Variants in NR3C2 observed in about 807,000 individuals in gnomAD.
NR3C2 encodes nuclear receptor subfamily 3 group C member 2.
Under a neutral mutation model 86.4 loss-of-function variants are expected in NR3C2, and 15 were observed. The ratio of observed to expected loss-of-function variants is 0.17; its 90% confidence interval spans 0.12 to 0.27. The LOEUF is 0.27. Among genes scored for constraint, NR3C2 ranks in the 10% least tolerant of loss-of-function variants. The pLI, the probability that NR3C2 is intolerant of heterozygous loss-of-function variation, is 1.00. For missense variants in NR3C2, 960 were observed against 1,195.6 expected (o/e 0.80, Z 2.91); for synonymous variants, 458 against 450.5 (o/e 1.02, Z -0.21).
intron 2 of NR3C2, among the ~76,000 whole-genome samples, chr4:148,332,262 G>A (rs1241782381): frequency 6.6e-6 from 1 of 152,118 alleles, no homozygotes; most frequent in Admixed American, 6.5e-5. Context: ...ACAAATAACT[G>A]CAAATAATAA....
chr4:148,132,880 C>T (rs1397847880), intron 6 of NR3C2, among the ~76,000 whole-genome samples: 1 of 152,184 alleles, frequency 6.6e-6, no homozygotes, highest in Admixed American at 6.5e-5. Context: ...AGAGTTGCTA[C>T]ACCCATAGAA....
At chr4:148,310,640 C>T (rs962521517) in intron 2 of NR3C2, among the ~76,000 whole-genome samples, 2 of 152,188 alleles carry the variant, frequency 1.3e-5, no homozygotes, top group Non-Finnish European at 2.9e-5. Context: ...GTCGACTCTT[C>T]GCCTGGTAAA....
At chr4:148,409,283 T>A (rs1457263985) in intron 2 of NR3C2, among the ~76,000 whole-genome samples, 2 of 152,164 alleles carry the variant, frequency 1.3e-5, no homozygotes, top group Admixed American at 1.3e-4. Context: ...TAATTATGTC[T>A]TTGATATTGA....
intron 4 of NR3C2, among the ~76,000 whole-genome samples, chr4:148,155,538 T>C (rs1032772422): frequency 1.2e-4 from 18 of 152,126 alleles, no homozygotes; most frequent in Admixed American, 2.0e-4. Flanking sequence ...ATAAAATACC[T>C]AGGAATCCAA....
At chr4:148,097,591 T>C (rs1230600490) in intron 8 of NR3C2, among the ~76,000 whole-genome samples, 1 of 152,186 alleles carries the variant, frequency 6.6e-6, no homozygotes, top group Non-Finnish European at 1.5e-5. Flanking sequence ...CTCTTGACAC[T>C]AGAATCAAAG....
intron 4 of NR3C2, among the ~76,000 whole-genome samples, chr4:148,174,244 ATC>A (rs1361095490): frequency 6.6e-6 from 1 of 152,178 alleles, no homozygotes; most frequent in Non-Finnish European, 1.5e-5. Context: ...TTTGTTCTGG[ATC>A]TGTTTTTCAA....
chr4:148,254,007 A>G (rs1739704020), intron 3 of NR3C2, among the ~76,000 whole-genome samples: 1 of 151,958 alleles, frequency 6.6e-6, no homozygotes, highest in Non-Finnish European at 1.5e-5. Flanking sequence ...AAGCCTGGGG[A>G]GTCATCCTAG....
At chr4:148,186,313 G>A in intron 4 of NR3C2, among the ~76,000 whole-genome samples, 1 of 151,468 alleles carries the variant, frequency 6.6e-6, no homozygotes, top group African/African-American at 2.4e-5. Context: ...TAATGAGTTG[G>A]GTTTTATTTT....
intron 8 of NR3C2, among the ~76,000 whole-genome samples, chr4:148,104,067 G>A (rs922416812): frequency 6.6e-6 from 1 of 152,158 alleles, no homozygotes; most frequent in Non-Finnish European, 1.5e-5. Flanking sequence ...AATGTATTCT[G>A]AACTAGGCTA....
chr4:148,255,345 G>A (rs1306917241), intron 3 of NR3C2, among the ~76,000 whole-genome samples: 2 of 152,198 alleles, frequency 1.3e-5, no homozygotes, highest in Non-Finnish European at 2.9e-5. Context: ...GCTGTGAACT[G>A]AACTACATGG....
intron 4 of NR3C2, among the ~76,000 whole-genome samples, chr4:148,188,506 G>T (rs920339579): frequency 9.2e-5 from 14 of 152,216 alleles, no homozygotes; most frequent in Non-Finnish European, 1.2e-4. Context: ...TGTAAAAGGG[G>T]ATAAGTTCTT....
intron 2 of NR3C2, among the ~76,000 whole-genome samples, chr4:148,342,833 A>AT (rs1173156398): frequency 6.6e-6 from 1 of 152,106 alleles, no homozygotes; most frequent in Non-Finnish European, 1.5e-5. Context: ...TTTTGTCTGT[A>AT]TTTTTACTAG....
At chr4:148,306,723 C>G (rs1055463390) in intron 2 of NR3C2, among the ~76,000 whole-genome samples, 5 of 152,206 alleles carry the variant, frequency 3.3e-5, no homozygotes, top group African/African-American at 9.6e-5. Flanking sequence ...CTTCTATTTT[C>G]CTGTAAGTTC....
At chr4:148,366,656 G>A (rs1359218966) in intron 2 of NR3C2, among the ~76,000 whole-genome samples, 1 of 151,830 alleles carries the variant, frequency 6.6e-6, no homozygotes, top group Non-Finnish European at 1.5e-5. Flanking sequence ...CCTTGCATAC[G>A]AAGCAAAAAT....
chr4:148,154,046 T>C (rs531227278), intron 5 of NR3C2, among the ~76,000 whole-genome samples: 1 of 152,090 alleles, frequency 6.6e-6, no homozygotes, highest in South Asian at 2.1e-4. Context: ...TCTCACTCTG[T>C]TGCTCAGGCT....
chr4:148,187,062 A>G lies in NR3C2; in HGVS notation c.2014+7684T>C, dbSNP rs911537259. ...TATATATAAAGAAACTGTGATATAT[A>G]TATATGATATATGTGATATGTATAT... On this transcript the variant is annotated intron_variant, in intron 4 of 8. Transcript: ENST00000358102. 6.9e-5 allele frequency among the ~76,000 whole-genome samples: 10 copies of G among 143,940 alleles called. No homozygotes were observed. The Admixed American group carries it at 7.0e-4, about 10-fold the overall frequency. 94.4% of individuals were successfully genotyped at this position (143,940 alleles called of 152,430 possible). A position where few individuals can be genotyped will look rare whatever the true frequency, so the allele number is the denominator to read the frequency against.
At chr4:148,234,303 C>G (rs974204226) in intron 3 of NR3C2, among the ~76,000 whole-genome samples, 11 of 152,022 alleles carry the variant, frequency 7.2e-5, no homozygotes, top group Non-Finnish European at 1.6e-4. Context: ...TTTATCAGTG[C>G]GCATCAGGCA....
At chr4:148,189,006 C>T (rs906991094) in intron 4 of NR3C2, among the ~76,000 whole-genome samples, 3 of 148,420 alleles carry the variant, frequency 2.0e-5, no homozygotes, top group African/African-American at 5.0e-5. Context: ...TGGCTCATTG[C>T]AACCTCCGCC....
Position 148,435,454 on chromosome 4 carries a change from T to C in NR3C2, c.1407A>G (p.Leu469=), listed in dbSNP as rs748690164. 6 of 1,614,030 alleles carry C rather than the reference T, an allele frequency of 3.7e-6. No individual in the cohort carries two copies. In the Admixed American group the frequency reaches 5.0e-5, roughly 13 times the overall value. ...GCACAGGTGGTCCTAAAATTCCTGA[T>C]AGGGAATAATAGTCTTTATCATCCA... ...SFMDDKDYYS[L]SGILGPPVPG... Residue 469 remains leucine, a synonymous_variant, in exon 2 of 9, where the codon CTA becomes CTG. Transcript: ENST00000358102.
Sources: allele counts gnomAD v4.1 joint callset (sites outside exome capture counted in the v4.1 genomes callset), GRCh38; gene constraint gnomAD v4.1.1; transcripts MANE v1.5; gene names NCBI Gene and HGNC (gene_info 2026-07-23, HGNC 2026-07-21).